Variants in DCDC1 observed in about 807,000 individuals in gnomAD.
DCDC1 encodes the protein doublecortin domain containing 1, also known as doublecortin domain-containing protein 1.
In DCDC1, 200 loss-of-function variants were observed where a neutral mutation model predicts 178.3. The ratio of observed to expected loss-of-function variants is 1.12; its 90% CI spans 1.00 to 1.26. The LOEUF (loss-of-function observed/expected upper bound fraction) is 1.26, where lower values mean the gene tolerates loss of function less well. Ranked by LOEUF, DCDC1 falls within the 50% of genes most tolerant of loss-of-function variation. The pLI, the probability that DCDC1 is intolerant of heterozygous loss-of-function variation, is 0.00. For missense variants in DCDC1, 1,983 were observed against 1,749.2 expected, an observed-to-expected ratio of 1.13 and a Z score of -2.38; for synonymous variants, 690 against 604.8, an observed-to-expected ratio of 1.14 and a Z score of -2.07.
chr11:31,211,446 T>G (rs1282278007), intron 9 of DCDC1, among the ~76,000 whole-genome samples: 1 of 152,208 alleles, frequency 6.6e-6, no homozygotes, highest in Admixed American at 6.5e-5. Context: ...ATTTGCACTA[T>G]CGCCCCATCC....
chr11:31,111,559 G>C (rs1959175801), intron 11 of DCDC1, among the ~76,000 whole-genome samples: 1 of 152,088 alleles, frequency 6.6e-6, no homozygotes, highest in African/African-American at 2.4e-5. Context: ...TAATAATCCT[G>C]AGTAAAGATA....
intron 7 of DCDC1, among the ~76,000 whole-genome samples, chr11:31,287,728 G>A (rs1382719955): frequency 6.6e-6 from 1 of 151,564 alleles, no homozygotes; most frequent in Non-Finnish European, 1.5e-5. Context: ...CTCTTTTTTG[G>A]GAAGCCACTG....
chr11:30,911,868 C>A (rs1945472476), intron 27 of DCDC1, among the ~76,000 whole-genome samples: 1 of 152,134 alleles, frequency 6.6e-6, no homozygotes, highest in Non-Finnish European at 1.5e-5. Context: ...CTGCACCCCC[C>A]TATATGTTCC....
At chr11:31,196,769 T>C (rs915006451) in intron 9 of DCDC1, among the ~76,000 whole-genome samples, 2 of 152,044 alleles carry the variant, frequency 1.3e-5, no homozygotes, top group Non-Finnish European at 2.9e-5. Flanking sequence ...GCATGTTGGA[T>C]CCACTGCATT....
intron 7 of DCDC1, among the ~76,000 whole-genome samples, chr11:31,283,939 T>C (rs1248075976): frequency 6.7e-6 from 1 of 150,296 alleles, no homozygotes; most frequent in East Asian, 2.0e-4. Context: ...TTTTCTCAGA[T>C]TCTCTCTTCT....
intron 21 of DCDC1, among the ~76,000 whole-genome samples, chr11:30,945,072 A>C (rs369135389): frequency 1.8e-4 from 27 of 145,982 alleles, no homozygotes; most frequent in African/African-American, 6.7e-4. Flanking sequence ...GGGTTCAAGC[A>C]ATTCTCCTGC....
chr11:31,345,021 T>C (rs1950742664), intron 1 of DCDC1, among the ~76,000 whole-genome samples: 1 of 152,202 alleles, frequency 6.6e-6, no homozygotes. Context: ...TTTTCTTATG[T>C]TTGATAAATA....
chr11:31,205,453 GT>G (rs1456957696), intron 9 of DCDC1, among the ~76,000 whole-genome samples: 2 of 152,190 alleles, frequency 1.3e-5, no homozygotes, highest in Non-Finnish European at 2.9e-5. Flanking sequence ...ATAATTGATA[GT>G]ACTGCTGGGG....
At chr11:31,227,224 T>C (rs1008224649) in intron 9 of DCDC1, among the ~76,000 whole-genome samples, 4 of 152,194 alleles carry the variant, frequency 2.6e-5, no homozygotes, top group Non-Finnish European at 5.9e-5. Context: ...CACAGTTCTG[T>C]AGACTGTACA....
intron 9 of DCDC1, among the ~76,000 whole-genome samples, chr11:31,160,635 A>G (rs1966230826): frequency 6.6e-6 from 1 of 152,188 alleles, no homozygotes; most frequent in African/African-American, 2.4e-5. Context: ...CCCCAAGAGA[A>G]CAGCATCTAG....
At chr11:30,898,187 G>T (rs745774767) in intron 34 of DCDC1, among the ~76,000 whole-genome samples, 1 of 152,186 alleles carries the variant, frequency 6.6e-6, no homozygotes, top group Non-Finnish European at 1.5e-5. Context: ...TCAAGGATTT[G>T]TCCTAAAGAT....
chr11:31,052,078 C>T (rs1955291555), intron 20 of DCDC1, among the ~76,000 whole-genome samples: 1 of 152,088 alleles, frequency 6.6e-6, no homozygotes, highest in African/African-American at 2.4e-5. Context: ...AAGAACTCAC[C>T]ACCCTACTAT....
intron 20 of DCDC1, among the ~76,000 whole-genome samples, chr11:30,961,384 A>C (rs1005924431): frequency 6.6e-6 from 1 of 152,118 alleles, no homozygotes; most frequent in Non-Finnish European, 1.5e-5. Flanking sequence ...TATCATTTGG[A>C]TCTGGTACAG....
At chr11:30,983,646 T>A (rs890059671) in intron 20 of DCDC1, among the ~76,000 whole-genome samples, 15 of 152,218 alleles carry the variant, frequency 9.9e-5, no homozygotes, top group African/African-American at 3.4e-4. Flanking sequence ...TTTATATTTT[T>A]AAAAAATTGT....
At chr11:31,291,071 G>A (rs1258207489) in intron 6 of DCDC1, among the ~76,000 whole-genome samples, 1 of 151,978 alleles carries the variant, frequency 6.6e-6, no homozygotes, top group Non-Finnish European at 1.5e-5. Context: ...ATTTCTGAAG[G>A]GAACAGATGT....
At chr11:31,196,960 G>C (rs898589734) in intron 9 of DCDC1, among the ~76,000 whole-genome samples, 5 of 152,092 alleles carry the variant, frequency 3.3e-5, no homozygotes, top group African/African-American at 1.2e-4. Flanking sequence ...AAGGATTTTA[G>C]AAACTCCTGC....
rs1234167445 is a variant in DCDC1, at chr11:31,091,498, A to G, written c.2132T>C (p.Leu711Pro). The change falls in exon 17 of 39, where the codon CTG becomes CCG. Residue 711 changes from leucine to proline, a missense_variant. Leu to Pro is a moderately conservative substitution (Grantham distance 98, BLOSUM62 -3). Transcript: ENST00000684477. ...VWLITKTGMI[L>P]SRAITQGCLA... ...GCAGCCCTGAGTTATCGCTCGGCTCAGGATCATTCCAGTCTTCCAATGAAT... is the reference window on the plus strand; with the variant it reads ...GCAGCCCTGAGTTATCGCTCGGCTCGGGATCATTCCAGTCTTCCAATGAAT... 1.3e-6 allele frequency: 1 copy of G among 753,990 alleles called. No homozygotes were observed. The highest frequency in any genetic ancestry group is 2.4e-6 in the Non-Finnish European group (1 of 411,486). The allele number at this position is 753,990 out of a possible 1,614,324, so 46.7% of individuals were successfully genotyped here.
intron 11 of DCDC1, among the ~76,000 whole-genome samples, chr11:31,113,781 T>C (rs1417992773): frequency 6.6e-6 from 1 of 152,124 alleles, no homozygotes; most frequent in East Asian, 1.9e-4. Flanking sequence ...TCTAGCATGG[T>C]TAATAAAAAA....
chr11:31,065,078 T>C lies in DCDC1; in HGVS notation c.2374A>G (p.Ile792Val), dbSNP rs541963909. 2.6e-6 allele frequency: 2 copies of C among 765,536 alleles called. No individual in the cohort carries two copies. The highest frequency in any genetic ancestry group is 1.3e-5 in the South Asian group (1 of 74,540). 47.4% of individuals were successfully genotyped at this position (765,536 alleles called of 1,614,324 possible). Residue 792 changes from isoleucine (I) to valine (V), a missense_variant, in exon 19 of 39, where the codon ATT becomes GTT. Ile to Val is a conservative substitution (Grantham distance 29). Transcript: ENST00000684477. The part of the protein sequence containing the change: ...QVDVTQTEYH[I>V]HHGAWTTAHQ... ...GCTGTGGTCCAGGCACCATGGTGAA[T>C]GTGATACTCTGTCTGGGTCACATCT...
Sources: gnomAD v4.1 joint callset for allele counts (sites outside exome capture counted in the v4.1 genomes callset) on GRCh38, gnomAD v4.1.1 for gene constraint, MANE v1.5 for transcripts, NCBI Gene and HGNC (gene_info 2026-07-23, HGNC 2026-07-21) for gene names.